ERC2: variants seen among roughly 807,000 people sequenced by gnomAD.
The protein encoded by ERC2 is ERC protein 2.
ERC2 carries 42 observed loss-of-function variants against 114.8 expected under a neutral mutation model. The ratio of observed to expected loss-of-function variants is 0.37; its 90% CI spans 0.29 to 0.47. The LOEUF is 0.47. Ranked by LOEUF, ERC2 falls within the 20% of genes least tolerant of loss-of-function variation. ERC2 has a pLI of 0.99. For missense variants in ERC2, 939 were observed against 1,150.7 expected, an observed-to-expected ratio of 0.82 and a Z score of 2.66; for synonymous variants, 454 against 425.5, an observed-to-expected ratio of 1.07 and a Z score of -0.82.
intron 2 of ERC2, among the ~76,000 whole-genome samples, chr3:56,395,153 G>A (rs1346780742): frequency 6.6e-6 from 1 of 152,032 alleles, no homozygotes; most frequent in Non-Finnish European, 1.5e-5. Context: ...GAGAATGACT[G>A]CTAATGGGTG....
chr3:55,837,207 G>A (rs147416951), intron 14 of ERC2, among the ~76,000 whole-genome samples: 1,548 of 152,224 alleles, frequency 0.01, 24 homozygotes, highest in African/African-American at 0.036. Flanking sequence ...TGTTCCTCAG[G>A]GATCTAGAAA....
intron 13 of ERC2, among the ~76,000 whole-genome samples, chr3:55,944,231 C>T (rs995557135): frequency 8.5e-5 from 13 of 152,316 alleles, no homozygotes; most frequent in Admixed American, 1.3e-4. Flanking sequence ...CTTCAGCCTT[C>T]GGCAAACAAA....
intron 6 of ERC2, among the ~76,000 whole-genome samples, chr3:56,092,962 C>T (rs2077873356): frequency 6.6e-6 from 1 of 152,170 alleles, no homozygotes; most frequent in Non-Finnish European, 1.5e-5. Flanking sequence ...ACTTAAATCA[C>T]AGATAATTTA....
At position 55,582,726 on chromosome 3, in the gene ERC2, T is replaced by TG. The variant is rs559154245; in HGVS notation, c.*40-71451dup. 1.2e-4 allele frequency among the ~76,000 whole-genome samples: 19 copies of TG among 152,356 alleles called. No homozygotes were observed. The South Asian group carries it at 3.3e-3, about 27-fold the overall frequency. ...GAGTAAACTCTGTCTTTGAAAGGAT[T>TG]GTTAAAACAGACAGGATCATATAAG... On this transcript the variant is annotated intron_variant, in intron 17 of 17. Transcript: ENST00000288221.
intron 2 of ERC2, among the ~76,000 whole-genome samples, chr3:56,321,666 T>C (rs1036733483): frequency 5.3e-5 from 8 of 152,252 alleles, no homozygotes; most frequent in African/African-American, 1.9e-4. Flanking sequence ...TGGCTGCTTC[T>C]GATCAGTTGA....
At chr3:56,307,861 C>G (rs1470773679) in intron 2 of ERC2, among the ~76,000 whole-genome samples, 3 of 139,704 alleles carry the variant, frequency 2.1e-5, no homozygotes, top group Non-Finnish European at 3.1e-5. Flanking sequence ...CACACACACA[C>G]AGAATGACCC....
At chr3:56,121,814 T>C (rs1468308057) in intron 6 of ERC2, among the ~76,000 whole-genome samples, 1 of 152,196 alleles carries the variant, frequency 6.6e-6, no homozygotes, top group Non-Finnish European at 1.5e-5. Flanking sequence ...AAGTTTTTTC[T>C]CAAGGAAACT....
chr3:56,065,438 T>A (rs1443570636), intron 7 of ERC2, among the ~76,000 whole-genome samples: 1 of 151,644 alleles, frequency 6.6e-6, no homozygotes, highest in Admixed American at 6.6e-5. Flanking sequence ...CCCGGGCTGC[T>A]CTCAAATTCC....
chr3:55,895,397 T>C (rs2063795604), intron 13 of ERC2, among the ~76,000 whole-genome samples: 1 of 152,028 alleles, frequency 6.6e-6, no homozygotes, highest in Non-Finnish European at 1.5e-5. Context: ...TCCTCCCCTT[T>C]AAAGTGGAGA....
At chr3:55,511,514 T>C (rs2052066226) in intron 17 of ERC2, among the ~76,000 whole-genome samples, 1 of 152,114 alleles carries the variant, frequency 6.6e-6, no homozygotes. Context: ...TCTTTCAAAA[T>C]ATGTCACGTA....
At chr3:56,266,683 C>T (rs895443755) in intron 3 of ERC2, among the ~76,000 whole-genome samples, 1 of 152,108 alleles carries the variant, frequency 6.6e-6, no homozygotes, top group Non-Finnish European at 1.5e-5. Flanking sequence ...ACCACTTGAG[C>T]CCAGTAATTT....
chr3:56,420,970 T>C (rs1239702204), intron 2 of ERC2, among the ~76,000 whole-genome samples: 2 of 151,886 alleles, frequency 1.3e-5, no homozygotes, highest in East Asian at 3.9e-4. Context: ...TTTAATTCCA[T>C]CAAGGATGCA....
chr3:56,446,406 T>C (rs2062563741), intron 1 of ERC2, among the ~76,000 whole-genome samples: 1 of 152,102 alleles, frequency 6.6e-6, no homozygotes, highest in Non-Finnish European at 1.5e-5. Flanking sequence ...GTATGGAGCC[T>C]GTACAGTGGG....
At chr3:55,799,716 G>C (rs539389932) in intron 14 of ERC2, among the ~76,000 whole-genome samples, 32 of 152,096 alleles carry the variant, frequency 2.1e-4, no homozygotes, top group African/African-American at 7.7e-4. Context: ...AACTGAGGAG[G>C]ATGTGGGAGT....
intron 3 of ERC2, among the ~76,000 whole-genome samples, chr3:56,195,821 T>A (rs549270351): frequency 6.6e-6 from 1 of 151,782 alleles, no homozygotes; most frequent in Non-Finnish European, 1.5e-5. Flanking sequence ...AGCAAGACCC[T>A]GTCTCTAAAA....
At chr3:55,685,229 C>T (rs1021817675) in intron 16 of ERC2, among the ~76,000 whole-genome samples, 9 of 152,118 alleles carry the variant, frequency 5.9e-5, no homozygotes, top group African/African-American at 1.4e-4. Flanking sequence ...CCACGGCCCA[C>T]GAAGGTTACA....
At chr3:56,236,456 T>C (rs1477855094) in intron 3 of ERC2, among the ~76,000 whole-genome samples, 2 of 152,206 alleles carry the variant, frequency 1.3e-5, no homozygotes, top group East Asian at 3.8e-4. Flanking sequence ...TGAGTGGATT[T>C]CACCAAATTG....
chr3:55,771,114 A>G (rs540505476), intron 14 of ERC2, among the ~76,000 whole-genome samples: 2 of 152,266 alleles, frequency 1.3e-5, no homozygotes, highest in Non-Finnish European at 2.9e-5. Flanking sequence ...ATACGTGTGT[A>G]TGTGTCTTTA....
chr3:56,087,518 G>C lies in ERC2; in HGVS notation c.1474-6534C>G, dbSNP rs547155402. Among the ~76,000 whole-genome samples the C allele has an allele frequency of 1.2e-4, 18 of 152,172 alleles. No individual in the cohort carries two copies. In the South Asian group the frequency reaches 3.7e-3, roughly 32 times the overall value. On this transcript the variant is annotated intron_variant, in intron 6 of 17. Transcript: ENST00000288221. ...TTTCAATGTTGTGACAAAACACTAA[G>C]TGCTACTTGATGTGCCATAAATAAT...
Sources: allele counts gnomAD v4.1 joint callset (sites outside exome capture counted in the v4.1 genomes callset), GRCh38; gene constraint gnomAD v4.1.1; transcripts MANE v1.5; gene names NCBI Gene and HGNC (gene_info 2026-07-23, HGNC 2026-07-21).